TRANK1: variants seen among roughly 807,000 people sequenced by gnomAD.
TRANK1 encodes the protein TPR and ankyrin repeat-containing protein 1.
A neutral mutation model predicts 266.0 loss-of-function variants in TRANK1; 198 were observed. The observed-to-expected ratio is 0.74, with a 90% CI of 0.66 to 0.84. The LOEUF is 0.84. Ranked by LOEUF, TRANK1 falls within the 40% of genes least tolerant of loss-of-function variation. The pLI, the probability that TRANK1 is intolerant of heterozygous loss-of-function variation, is 0.00. For missense variants in TRANK1, 3,326 were observed against 3,634.6 expected (o/e 0.92, Z 2.18); for synonymous variants, 1,396 against 1,384.1 (o/e 1.01, Z -0.19).
In TRANK1 at chr3:36,831,649, T is replaced by C. The variant is rs267599778; in HGVS notation, c.7934A>G (p.Asp2645Gly). 1 of 1,613,868 alleles carries C rather than the reference T, an allele frequency of 6.2e-7. No homozygotes were observed. Among genetic ancestry groups the C allele is most frequent in the Non-Finnish European group, 8.5e-7 (1 of 1,179,846 alleles). ...LFERDEEYLM[D>G]CDWRWDPVHT... ...CACAGGGTCCCACCGCCAGTCACAG[T>C]CCATTAGGTACTCTTCATCCCGCTC... The change falls in exon 22 of 24, where the codon GAC becomes GGC. Residue 2645 changes from aspartate to glycine, a missense_variant. Transcript: ENST00000645898. The surrounding 1 kb of genome is among the most constrained non-coding windows in gnomAD (Gnocchi z 5.0).
In TRANK1 at chr3:36,852,224, A is replaced by G. The variant is rs1449144912; in HGVS notation, c.4671T>C (p.Ser1557=). ...AAATTGCCAAGTCGCTTACACTACA[A>G]GACTCCAGAACAGTTGGCTTAGGAC... is the stretch of plus-strand genomic sequence containing the variant. ...FDGPKPTVLE[S]CSVSDLAILL... is the part of the protein sequence containing the mutation. The change falls in exon 14 of 24, where the codon TCT becomes TCC. Residue 1557 remains serine (S), a synonymous_variant. Transcript: ENST00000645898. 6.2e-7 allele frequency: 1 copy of G among 1,613,218 alleles called. No homozygotes were observed. The highest frequency in any genetic ancestry group is 1.7e-5 in the Admixed American group (1 of 59,810).
chr3:36,901,886 C>T (rs1049914087), intron 3 of TRANK1, among the ~76,000 whole-genome samples: 1 of 152,178 alleles, frequency 6.6e-6, no homozygotes, highest in Non-Finnish European at 1.5e-5. Context: ...GCCTCCACTT[C>T]CGGGATTTGG....
chr3:36,883,695 G>A (rs1052442100), intron 8 of TRANK1, among the ~76,000 whole-genome samples: 1 of 152,136 alleles, frequency 6.6e-6, no homozygotes, highest in Non-Finnish European at 1.5e-5. Context: ...CAGGGTGCAA[G>A]GATGAGACGG....
In TRANK1 at chr3:36,856,264, A is replaced by G. The variant is rs2079051998; in HGVS notation, c.3458T>C (p.Ile1153Thr). The change falls in exon 13 of 24, where the codon ATA (isoleucine) becomes ACA (threonine). Residue 1153 changes from isoleucine (I) to threonine (T), a missense_variant. By Grantham distance (89) the Ile-to-Thr change is moderately conservative. Transcript: ENST00000645898. ...GCAGGCTTCATACTCCTGCTCATCT[A>G]TGCTTTCTACTGTTTCCACTTCAAT... is the stretch of plus-strand genomic sequence containing the variant. The part of the protein sequence containing the change: ...DSIEVETVES[I>T]DEQEYEACAG... 3 of 1,607,854 alleles carry G rather than the reference A, an allele frequency of 1.9e-6. No individual in the cohort carries two copies. The highest frequency in any genetic ancestry group is 1.7e-6 in the Non-Finnish European group (2 of 1,176,678).
chr3:36,895,848 A>C (rs1559459824), intron 4 of TRANK1, 90 bp from the exon 5 acceptor site: 2 of 755,398 alleles, frequency 2.6e-6, no homozygotes, highest in Non-Finnish European at 4.1e-6. Flanking sequence ...TCACACATAG[A>C]CAAATGGTAA....
chr3:36,885,295 A>C (rs2079586740), intron 8 of TRANK1, among the ~76,000 whole-genome samples: 1 of 152,208 alleles, frequency 6.6e-6, no homozygotes, highest in Non-Finnish European at 1.5e-5. Flanking sequence ...TAATATTCTC[A>C]CCAAAAACAC....
At chr3:36,862,819 G>T (rs1216759219) in intron 10 of TRANK1, among the ~76,000 whole-genome samples, 1 of 152,176 alleles carries the variant, frequency 6.6e-6, no homozygotes, top group Non-Finnish European at 1.5e-5. Context: ...TTGAAAGATG[G>T]GAGACAATGG....
intron 1 of TRANK1, among the ~76,000 whole-genome samples, chr3:36,910,064 C>T (rs1239371123): frequency 1.3e-5 from 2 of 152,188 alleles, no homozygotes; most frequent in Non-Finnish European, 2.9e-5. Context: ...TCATATCCCT[C>T]CGTTATAAAT....
intron 1 of TRANK1, among the ~76,000 whole-genome samples, chr3:36,943,635 C>CAT (rs1553633554): frequency 5.5e-5 from 8 of 145,674 alleles, no homozygotes; most frequent in African/African-American, 1.8e-4. Flanking sequence ...CACCGTAGTA[C>CAT]TTTTTTTTTT....
rs778669595 is a variant in TRANK1 at position 36,856,427 on chromosome 3, C to A, written c.3295G>T (p.Glu1099Ter). The stretch of plus-strand genomic sequence containing the variant: ...GGGCTTCCTGCCTGCTCAGCTTTTT[C>A]CCAGTAAACGTGGAATTTCTTCCAC... ...RLWKKFHVYWEKAEQAGSPLL... is the reference protein window; with the variant it reads ...RLWKKFHVYW The change falls in exon 13 of 24, where the codon GAA becomes TAA. Residue 1099 changes from glutamate (E) to a stop codon, truncating the protein, a stop_gained. Coordinates refer to ENST00000645898, the MANE Select transcript of TRANK1 (RefSeq NM_001329998.2). LOFTEE classifies it high-confidence loss of function. 4 of 1,613,576 alleles carry A rather than the reference C, an allele frequency of 2.5e-6. No homozygotes were observed. Among genetic ancestry groups the A allele is most frequent in the Non-Finnish European group, 3.4e-6 (4 of 1,179,730 alleles).
At position 36,872,997 on chromosome 3, in the gene TRANK1, A is replaced by C. The variant is rs2079331787; in HGVS notation, c.1078+1129T>G. 2.6e-5 allele frequency among the ~76,000 whole-genome samples: 4 copies of C among 152,236 alleles called. No homozygotes were observed. In the South Asian group the frequency reaches 8.3e-4, roughly 31 times the overall value. ...ATGGGAGCTAGAAGATAATGAAATA[A>C]TTTATACATTGTGAGGAACAAGGTT... On this transcript the variant is annotated intron_variant, in intron 9 of 23. Coordinates refer to ENST00000645898, the MANE Select transcript of TRANK1 (RefSeq NM_001329998.2).
chr3:36,913,398 C>G (rs1027492373), intron 1 of TRANK1, among the ~76,000 whole-genome samples: 6 of 151,656 alleles, frequency 4.0e-5, no homozygotes, highest in Middle Eastern at 3.4e-3. Flanking sequence ...TGTTTGCTTG[C>G]TTGCTTGCTT....
chr3:36,832,086 C>A lies in TRANK1; in HGVS notation c.7497G>T (p.Glu2499Asp). The part of the protein sequence containing the change: ...WEFLFSKKDK[E>D]LGDVFSIIQE... Reference sequence around the variant, plus strand: ...GAATGATGGAGAACACATCCCCAAGCTCCTTGTCCTTCTTGCTAAACAGGA... The same window carrying A: ...GAATGATGGAGAACACATCCCCAAGATCCTTGTCCTTCTTGCTAAACAGGA... Residue 2499 changes from glutamate (E) to aspartate (D), a missense_variant, in exon 22 of 24, where the codon GAG (glutamate) becomes GAT (aspartate). By Grantham distance (45) the Glu-to-Asp change is conservative. Transcript: ENST00000645898. 8.1e-6 allele frequency: 13 copies of A among 1,614,040 alleles called. No individual in the cohort carries two copies. The highest frequency in any genetic ancestry group is 1.1e-5 in the Non-Finnish European group (13 of 1,179,904).
intron 4 of TRANK1, among the ~76,000 whole-genome samples, chr3:36,898,045 A>G (rs1305755064): frequency 2.0e-5 from 3 of 152,150 alleles, no homozygotes; most frequent in Non-Finnish European, 4.4e-5. Flanking sequence ...GAGCTTCACA[A>G]CCCTGACATG....
At chr3:36,864,958 G>A (rs976768685) in intron 9 of TRANK1, among the ~76,000 whole-genome samples, 1 of 151,696 alleles carries the variant, frequency 6.6e-6, no homozygotes, top group East Asian at 1.9e-4. Context: ...AGACTAAATT[G>A]CTGACCTGTA....
chr3:36,838,823 G>A, intron 18 of TRANK1, 107 bp from the exon 19 acceptor site: 1 of 1,108,902 alleles, frequency 9.0e-7, no homozygotes, highest in Non-Finnish European at 1.3e-6. Context: ...ATGAAGTCTT[G>A]CTCCAGCCCA....
intron 1 of TRANK1, among the ~76,000 whole-genome samples, chr3:36,931,329 T>C (rs1480478973): frequency 6.6e-6 from 1 of 152,184 alleles, no homozygotes; most frequent in Non-Finnish European, 1.5e-5. Context: ...CAAAATATAT[T>C]TGAAAAAGCA....
chr3:36,892,164 G>A (rs779606758), intron 7 of TRANK1, 38 bp downstream of exon 7: 17 of 1,532,342 alleles, frequency 1.1e-5, no homozygotes, highest in Non-Finnish European at 1.5e-5. Flanking sequence ...TAGGCTAGAA[G>A]GGCAGCTTGG....
At position 36,856,737 on chromosome 3, in the gene TRANK1, G is replaced by A. The variant is rs373208322; in HGVS notation, c.2985C>T (p.Cys995=). The A allele has an allele frequency of 6.8e-6, 11 of 1,613,896 alleles. No individual in the cohort carries two copies. The highest frequency in any genetic ancestry group is 9.3e-6 in the Non-Finnish European group (11 of 1,179,910). ...NMKIQKRIPR[C]YVEDTEAEKG... is the part of the protein sequence containing the mutation. ...TCTCGGCCTCTGTGTCCTCCACATA[G>A]CAGCGAGGTATACGCTTTTGAATTT... Residue 995 remains cysteine, a synonymous_variant, in exon 13 of 24, where the codon TGC becomes TGT. Transcript: ENST00000645898.
Sources: allele counts gnomAD v4.1 joint callset (sites outside exome capture counted in the v4.1 genomes callset), GRCh38; gene constraint gnomAD v4.1.1; non-coding constraint Gnocchi (gnomAD v3.1); transcripts MANE v1.5; gene names NCBI Gene and HGNC (gene_info 2026-07-23, HGNC 2026-07-21).